Variants in MEIS1 observed in about 807,000 individuals in gnomAD.
MEIS1 encodes Meis homeobox 1, also known as homeobox protein Meis1.
MEIS1 carries 5 observed loss-of-function variants against 50.8 expected under a neutral mutation model. The observed-to-expected ratio is 0.10, with a 90% CI of 0.05 to 0.21. The LOEUF (loss-of-function observed/expected upper bound fraction) is 0.21, where lower values mean the gene tolerates loss of function less well. MEIS1 is among the 10% of genes least tolerant of loss of function. The probability of loss-of-function intolerance (pLI) is 1.00; values close to 1 mark genes in which losing one functional copy is unlikely to be tolerated. For synonymous variants in MEIS1, 176 were observed against 179.3 expected (o/e 0.98, Z 0.15); for missense variants, 318 against 517.3 (o/e 0.61, Z 3.74).
At chr2:66,448,840 A>C (rs1269627339) in intron 6 of MEIS1, among the ~76,000 whole-genome samples, 3 of 152,158 alleles carry the variant, frequency 2.0e-5, no homozygotes, top group African/African-American at 7.2e-5. Context: ...CTATAATTCA[A>C]AATTATTTGA....
At chr2:66,457,268 G>A (rs1479994774) in intron 6 of MEIS1, among the ~76,000 whole-genome samples, 2 of 151,752 alleles carry the variant, frequency 1.3e-5, no homozygotes, top group East Asian at 1.9e-4. Flanking sequence ...AGAGGAGCAG[G>A]CTGTATCTAG....
intron 7 of MEIS1, among the ~76,000 whole-genome samples, chr2:66,495,744 TGA>T (rs1351677283): frequency 6.6e-6 from 1 of 152,170 alleles, no homozygotes; most frequent in Non-Finnish European, 1.5e-5. Flanking sequence ...AAGAGGAGGC[TGA>T]GACAGGGCAG....
intron 7 of MEIS1, among the ~76,000 whole-genome samples, chr2:66,494,578 C>T (rs866143385): frequency 9.9e-5 from 15 of 152,078 alleles, no homozygotes; most frequent in Non-Finnish European, 1.0e-4. Flanking sequence ...ATAAACAGGC[C>T]GTGTAAAGGT....
intron 7 of MEIS1, among the ~76,000 whole-genome samples, chr2:66,482,965 C>G (rs1446357121): frequency 6.6e-6 from 1 of 152,122 alleles, no homozygotes; most frequent in African/African-American, 2.4e-5. Flanking sequence ...GATGGTTTGA[C>G]TTTTTTGGAC....
intron 6 of MEIS1, among the ~76,000 whole-genome samples, chr2:66,458,510 T>C (rs1417456411): frequency 6.6e-6 from 1 of 152,210 alleles, no homozygotes; most frequent in Non-Finnish European, 1.5e-5. Context: ...TCAACTTATG[T>C]TGTTACATTA....
At chr2:66,529,621 G>A (rs954427249) in intron 8 of MEIS1, among the ~76,000 whole-genome samples, 1 of 152,110 alleles carries the variant, frequency 6.6e-6, no homozygotes, top group African/African-American at 2.4e-5. Flanking sequence ...GCTGTTTGAG[G>A]CATTTGGAAG....
rs1171801858 is a variant in MEIS1 at position 66,571,394 on chromosome 2, C to T, written c.*186C>T. 20 of 1,604,534 alleles carry T rather than the reference C, an allele frequency of 1.2e-5. No individual in the cohort carries two copies. The highest frequency in any genetic ancestry group is 1.7e-5 in the Non-Finnish European group (20 of 1,175,776). The stretch of plus-strand genomic sequence containing the variant: ...CCATGCATACGTACATTCCTGGACA[C>T]CCTCACCACCCAACAGTGATGATGC... On this transcript the variant is annotated 3_prime_UTR_variant, in exon 13 of 13. Coordinates refer to ENST00000272369, the MANE Select transcript of MEIS1 (RefSeq NM_002398.3).
Position 66,571,330 on chromosome 2 carries a change from A to G in MEIS1, c.*122A>G, listed in dbSNP as rs777411467. 8 of 1,598,468 alleles carry G rather than the reference A, an allele frequency of 5.0e-6. 1 individual carries two copies. The South Asian group carries it at 6.7e-5, about 13-fold the overall frequency. ...GGACAGCCAAGTTATACCCAACCCC[A>G]GATGCCCCCCCATCCTGCTCAGCTG... is the stretch of plus-strand genomic sequence containing the variant. On this transcript the variant is annotated 3_prime_UTR_variant, in exon 13 of 13. Coordinates refer to ENST00000272369, the MANE Select transcript of MEIS1 (RefSeq NM_002398.3).
At chr2:66,540,073 T>C (rs1374752738) in intron 8 of MEIS1, among the ~76,000 whole-genome samples, 1 of 152,182 alleles carries the variant, frequency 6.6e-6, no homozygotes, top group Non-Finnish European at 1.5e-5. Context: ...AGTAGCTGTG[T>C]GCTGTTGGTG....
chr2:66,462,036 G>A (rs1176468638), intron 6 of MEIS1: 1 of 341,806 alleles, frequency 2.9e-6, no homozygotes, highest in South Asian at 2.6e-5. Flanking sequence ...GTAGAAAAGT[G>A]GGGGAGGGAG....
intron 3 of MEIS1, 100 bp downstream of exon 3, chr2:66,440,084 C>A (rs1017744166): frequency 1.8e-6 from 2 of 1,100,580 alleles, no homozygotes; most frequent in Non-Finnish European, 2.5e-6. Flanking sequence ...CACACACACA[C>A]ACACACACGG....
Position 66,571,593 on chromosome 2 carries a change from C to A in MEIS1, c.*385C>A. On this transcript the variant is annotated 3_prime_UTR_variant, in exon 13 of 13. Transcript: ENST00000272369. Reference sequence around the variant, plus strand: ...TCAAATCATGTTTTTTCTGCAATGACTGTGGAGTTCCATTCTTGGCATCTA... The same window carrying A: ...TCAAATCATGTTTTTTCTGCAATGAATGTGGAGTTCCATTCTTGGCATCTA... 1.3e-6 allele frequency: 2 copies of A among 1,530,786 alleles called. No homozygotes were observed. Among genetic ancestry groups the A allele is most frequent in the East Asian group, 2.4e-5 (1 of 40,834 alleles). The allele number at this position is 1,530,786 out of a possible 1,614,324, so 94.8% of individuals were successfully genotyped here.
chr2:66,565,022 G>A (rs1009245268), intron 9 of MEIS1, among the ~76,000 whole-genome samples: 1 of 152,038 alleles, frequency 6.6e-6, no homozygotes, highest in Non-Finnish European at 1.5e-5. Flanking sequence ...GGTGGTGAGT[G>A]CTGTATTAGT....
intron 8 of MEIS1, among the ~76,000 whole-genome samples, chr2:66,530,129 G>C (rs967829751): frequency 8.6e-5 from 13 of 151,446 alleles, no homozygotes; most frequent in African/African-American, 3.2e-4. Flanking sequence ...CCAAGAAGTG[G>C]GATTAGGAGC....
At chr2:66,506,884 C>T (rs1223197364) in intron 7 of MEIS1, among the ~76,000 whole-genome samples, 1 of 152,144 alleles carries the variant, frequency 6.6e-6, no homozygotes. Flanking sequence ...GGACATCAGG[C>T]ACACCCAGAG....
intron 1 of MEIS1, chr2:66,437,533 G>C: frequency 1.7e-6 from 1 of 600,844 alleles, no homozygotes. Flanking sequence ...ATTCATCCCA[G>C]ACGAGTCTCG....
chr2:66,550,263 A>G (rs1361161801), intron 9 of MEIS1, among the ~76,000 whole-genome samples: 2 of 152,192 alleles, frequency 1.3e-5, no homozygotes, highest in Non-Finnish European at 2.9e-5. Flanking sequence ...ATATGGAGTT[A>G]GAAGTGGCTT....
At chr2:66,448,904 A>G (rs1672217217) in intron 6 of MEIS1, among the ~76,000 whole-genome samples, 1 of 152,156 alleles carries the variant, frequency 6.6e-6, no homozygotes, top group Non-Finnish European at 1.5e-5. Context: ...GCTCTCAGTC[A>G]TTTTTGTTAC....
At chr2:66,508,472 A>G (rs1435121771) in intron 7 of MEIS1, among the ~76,000 whole-genome samples, 1 of 152,160 alleles carries the variant, frequency 6.6e-6, no homozygotes, top group South Asian at 2.1e-4. Flanking sequence ...GAAAAAAGAG[A>G]CTGGAGTGGC....
Sources: gnomAD v4.1 joint callset for allele counts (sites outside exome capture counted in the v4.1 genomes callset) on GRCh38, gnomAD v4.1.1 for gene constraint, MANE v1.5 for transcripts, NCBI Gene and HGNC (gene_info 2026-07-23, HGNC 2026-07-21) for gene names.